Variants in ERG observed in about 807,000 individuals in gnomAD.
ERG encodes transcriptional regulator ERG.
Under a neutral mutation model 55.3 loss-of-function variants are expected in ERG, and 9 were observed. That is an observed-to-expected ratio of 0.16 (90% CI 0.10 to 0.28). ERG has a LOEUF of 0.28. Ranked by LOEUF, ERG falls within the 10% of genes least tolerant of loss-of-function variation. The probability of loss-of-function intolerance (pLI) is 1.00; values close to 1 mark genes in which losing one functional copy is unlikely to be tolerated. For synonymous variants in ERG, 223 were observed against 237.3 expected (o/e 0.94, Z 0.55); for missense variants, 434 against 631.6 (o/e 0.69, Z 3.35).
chr21:38,643,433 A>G (rs1263203629), intron 1 of ERG, among the ~76,000 whole-genome samples: 1 of 152,172 alleles, frequency 6.6e-6, no homozygotes, highest in African/African-American at 2.4e-5. Context: ...TGCAGGGGAC[A>G]GAGTAAGGTC....
intron 1 of ERG, among the ~76,000 whole-genome samples, chr21:38,468,304 A>T (rs1439987863): frequency 6.6e-6 from 1 of 152,208 alleles, no homozygotes; most frequent in Non-Finnish European, 1.5e-5. Flanking sequence ...ACTATTCCGT[A>T]GCTCTGTGCA....
chr21:38,490,161 T>C (rs2059322970), intron 1 of ERG, among the ~76,000 whole-genome samples: 1 of 151,844 alleles, frequency 6.6e-6, no homozygotes, highest in Admixed American at 6.6e-5. Flanking sequence ...TCTTACTTTA[T>C]AATGAAGAGA....
intron 1 of ERG, chr21:38,575,788 T>A: frequency 7.2e-7 from 1 of 1,396,860 alleles, no homozygotes; most frequent in Non-Finnish European, 1.0e-6. Flanking sequence ...AATAAACAAC[T>A]GCATTTCTGT....
chr21:38,656,667 T>TC (rs1210637311), intron 1 of ERG, among the ~76,000 whole-genome samples: 4 of 152,168 alleles, frequency 2.6e-5, no homozygotes, highest in Non-Finnish European at 5.9e-5. Context: ...TAACAGAGAA[T>TC]CACTTAATGG....
chr21:38,423,853 G>A (rs1267985542), intron 2 of ERG, among the ~76,000 whole-genome samples: 1 of 152,164 alleles, frequency 6.6e-6, no homozygotes, highest in Non-Finnish European at 1.5e-5. Flanking sequence ...GGGCATGCCT[G>A]TAGTCCCAGC....
At chr21:38,369,926 TGTAA>T in the ERG span, among the ~76,000 whole-genome samples, 1 of 152,170 alleles carries the variant, frequency 6.6e-6, no homozygotes, top group Non-Finnish European at 1.5e-5. Flanking sequence ...ATCAGATGGT[TGTAA>T]GTGTGCAGTC....
rs540778201 is a variant in ERG, at chr21:38,381,023, C to G, written c.*2380G>C. The G allele has an allele frequency of 1.4e-5, 15 of 1,064,252 alleles. No homozygotes were observed. Among genetic ancestry groups the G allele is most frequent in the South Asian group, 9.1e-5 (2 of 21,966 alleles). 65.9% of individuals were successfully genotyped at this position (1,064,252 alleles called of 1,614,324 possible). A position where few individuals can be genotyped will look rare whatever the true frequency, so the allele number is the denominator to read the frequency against. On this transcript the variant is annotated 3_prime_UTR_variant, in exon 10 of 10. Transcript: ENST00000288319. ...TTTATTTATTTTCCCTAAGGAGATA[C>G]GGGCACTTTGTGGGCCTTCCCAGGC...
chr21:38,535,891 T>C (rs1285663408), intron 2 of ERG, among the ~76,000 whole-genome samples: 1 of 152,182 alleles, frequency 6.6e-6, no homozygotes, highest in Non-Finnish European at 1.5e-5. Flanking sequence ...GAACTTCTTA[T>C]TAAATTCATA....
chr21:38,566,543 A>T (rs1411738902), intron 2 of ERG, among the ~76,000 whole-genome samples: 1 of 152,182 alleles, frequency 6.6e-6, no homozygotes, highest in East Asian at 1.9e-4. Context: ...AAGAAGCAAC[A>T]AGTGTCACTT....
chr21:38,422,759 T>C (rs952790856), intron 3 of ERG, among the ~76,000 whole-genome samples: 5 of 152,236 alleles, frequency 3.3e-5, no homozygotes, highest in Admixed American at 3.3e-4. Context: ...GTTACTCTGG[T>C]TATTAGAATC....
At chr21:38,388,718 T>C (rs1250523607) in intron 9 of ERG, among the ~76,000 whole-genome samples, 1 of 152,164 alleles carries the variant, frequency 6.6e-6, no homozygotes, top group African/African-American at 2.4e-5. Context: ...TGCCATTTTC[T>C]CCAGGCCCAT....
chr21:38,515,357 C>G (rs1268187918), intron 2 of ERG, among the ~76,000 whole-genome samples: 1 of 151,888 alleles, frequency 6.6e-6, no homozygotes, highest in African/African-American at 2.4e-5. Flanking sequence ...CACATACAAC[C>G]TGCCAAGATT....
rs758212054 is a variant in ERG at position 38,392,388 on chromosome 21, G to A, written c.802C>T (p.Pro268Ser). ...SAWTGHGHPT[P>S]QSKAAQPSPS... ...GCCAACACTGTACCTTTCGACTGGG[G>A]CGTGGGGTGGCCGTGACCGGTCCAG... The change falls in exon 7 of 10, where the codon CCC becomes TCC. Residue 268 changes from proline (P) to serine (S), a missense_variant. By Grantham distance (74) the Pro-to-Ser change is moderately conservative. Transcript: ENST00000288319. 6 of 1,566,670 alleles carry A rather than the reference G, an allele frequency of 3.8e-6. No homozygotes were observed. In the South Asian group the frequency reaches 7.0e-5, roughly 18 times the overall value.
chr21:38,437,968 G>C (rs9983067), intron 2 of ERG, among the ~76,000 whole-genome samples: 13,277 of 151,776 alleles, frequency 0.087, 634 homozygotes, highest in African/African-American at 0.11. Context: ...ACCAGAAAGT[G>C]AAAGTCAAAG....
intron 1 of ERG, among the ~76,000 whole-genome samples, chr21:38,659,122 A>T (rs1326324511): frequency 6.6e-6 from 1 of 152,198 alleles, no homozygotes; most frequent in African/African-American, 2.4e-5. Flanking sequence ...CGGATTACCC[A>T]TTTGCTAATT....
upstream of ERG, among the ~76,000 whole-genome samples, chr21:38,586,043 C>G (rs188362190): frequency 2.5e-3 from 374 of 151,960 alleles, 1 homozygote; most frequent in African/African-American, 8.2e-3. Flanking sequence ...GGTTAACAGT[C>G]ATGGTCTTTG....
intron 1 of ERG, among the ~76,000 whole-genome samples, chr21:38,468,706 C>A (rs973923684): frequency 6.6e-6 from 1 of 152,140 alleles, no homozygotes; most frequent in Non-Finnish European, 1.5e-5. Flanking sequence ...GTGGCTTCTG[C>A]CGGGTGCGGT....
chr21:38,469,095 C>T (rs1013056922), intron 1 of ERG, among the ~76,000 whole-genome samples: 4 of 150,902 alleles, frequency 2.7e-5, no homozygotes, highest in Non-Finnish European at 5.9e-5. Flanking sequence ...ATGGCCTTGA[C>T]ATGCCACTGG....
chr21:38,572,192 TAAA>T (rs11406884), intron 2 of ERG, among the ~76,000 whole-genome samples: 2 of 130,606 alleles, frequency 1.5e-5, no homozygotes, highest in Non-Finnish European at 1.6e-5. Context: ...CCGTCTCTAC[TAAA>T]AAAAAAAAAA....
Sources: gnomAD v4.1 joint callset for allele counts (sites outside exome capture counted in the v4.1 genomes callset) on GRCh38, gnomAD v4.1.1 for gene constraint, MANE v1.5 for transcripts, NCBI Gene and HGNC (gene_info 2026-07-23, HGNC 2026-07-21) for gene names.